Variants in SLC35F4 observed in about 807,000 individuals in gnomAD.
SLC35F4 encodes chromosome 14 open reading frame 36.
SLC35F4 carries 24 observed loss-of-function variants against 44.2 expected under a neutral mutation model. That is an observed-to-expected ratio of 0.54 (90% CI 0.39 to 0.76). SLC35F4 has a LOEUF of 0.76. Among genes scored for constraint, SLC35F4 ranks in the 30% least tolerant of loss-of-function variants. The pLI is 0.00. For synonymous variants in SLC35F4, 238 were observed against 223.6 expected (o/e 1.06, Z -0.57); for missense variants, 562 against 586.1 (o/e 0.96, Z 0.42).
chr14:57,646,745 T>A (rs959115583), intron 1 of SLC35F4, among the ~76,000 whole-genome samples: 1 of 152,354 alleles, frequency 6.6e-6, no homozygotes, highest in Non-Finnish European at 1.5e-5. Flanking sequence ...TCCTGCTTTC[T>A]CTTGTGGGCA....
At chr14:57,605,860 A>G (rs1489328804) in intron 1 of SLC35F4, among the ~76,000 whole-genome samples, 1 of 152,204 alleles carries the variant, frequency 6.6e-6, no homozygotes, top group Non-Finnish European at 1.5e-5. Context: ...TAATGCAGAA[A>G]CCAAAAACCA....
chr14:57,929,976 A>T (rs1041022506), intron 1 of SLC35F4, among the ~76,000 whole-genome samples: 1 of 152,162 alleles, frequency 6.6e-6, no homozygotes, highest in African/African-American at 2.4e-5. Context: ...TACTTTTCTT[A>T]GACTTTTCAG....
Position 57,697,974 on chromosome 14 carries a change from C to T in SLC35F4, c.104-103850G>A, listed in dbSNP as rs75058819. 3.6e-3 allele frequency among the ~76,000 whole-genome samples: 545 copies of T among 152,252 alleles called. 4 individuals carry two copies. Among genetic ancestry groups the T allele is most frequent in the African/African-American group, 0.013 (522 of 41,552 alleles). On this transcript the variant is annotated intron_variant, in intron 1 of 7. Transcript: ENST00000556826. ...GAAACAACACTGCCTGGGTCCAAAT[C>T]CAGATTTCACCATTTACCGGCTACA... is the stretch of plus-strand genomic sequence containing the variant.
chr14:57,761,145 G>T (rs1408814813), intron 1 of SLC35F4, among the ~76,000 whole-genome samples: 1 of 152,182 alleles, frequency 6.6e-6, no homozygotes, highest in African/African-American at 2.4e-5. Context: ...ATCATTCAGA[G>T]ATTATTGGCC....
intron 1 of SLC35F4, among the ~76,000 whole-genome samples, chr14:57,715,741 T>C (rs2075922994): frequency 6.6e-6 from 1 of 152,150 alleles, no homozygotes; most frequent in Non-Finnish European, 1.5e-5. Context: ...ATTGCAGAGA[T>C]GGACTGGGAA....
chr14:57,647,285 G>C (rs953692598), intron 1 of SLC35F4, among the ~76,000 whole-genome samples: 1 of 152,022 alleles, frequency 6.6e-6, no homozygotes, highest in African/African-American at 2.4e-5. Flanking sequence ...CTAAGGACTT[G>C]CTTTATGAAT....
chr14:57,696,452 G>C (rs10146070), intron 1 of SLC35F4, among the ~76,000 whole-genome samples: 151,771 of 152,346 alleles, frequency 1, 75,621 homozygotes, highest in Middle Eastern at 1. Context: ...AATAGGAATG[G>C]TTTTACACTG....
intron 1 of SLC35F4, among the ~76,000 whole-genome samples, chr14:57,915,527 T>TA (rs1204631957): frequency 2.0e-5 from 3 of 152,224 alleles, no homozygotes; most frequent in African/African-American, 7.2e-5. Context: ...TATATGTGGT[T>TA]AAAAGTAGCC....
At chr14:57,925,491 AAGGAAGGGAGGGAGGG>A (rs1889540637) in intron 1 of SLC35F4, among the ~76,000 whole-genome samples, 2 of 82,404 alleles carry the variant, frequency 2.4e-5, no homozygotes, top group South Asian at 1.2e-3. Context: ...GGAAGGAAGG[AAGGAAGGGAGGGAGGG>A]AGGGAGGGAG....
intron 1 of SLC35F4, among the ~76,000 whole-genome samples, chr14:57,665,188 G>A (rs2074267935): frequency 6.6e-6 from 1 of 150,510 alleles, no homozygotes; most frequent in African/African-American, 2.4e-5. Flanking sequence ...GAGGTTTATA[G>A]AGAAATAGAC....
chr14:57,647,950 C>T (rs1318229697), intron 1 of SLC35F4, among the ~76,000 whole-genome samples: 3 of 152,186 alleles, frequency 2.0e-5, no homozygotes, highest in Non-Finnish European at 4.4e-5. Flanking sequence ...CCTCTCTCTG[C>T]TCCTTGACTT....
At chr14:57,706,606 CAAAG>C (rs2075682544) in intron 1 of SLC35F4, among the ~76,000 whole-genome samples, 1 of 152,088 alleles carries the variant, frequency 6.6e-6, no homozygotes, top group African/African-American at 2.4e-5. Context: ...CCTGGGTAGT[CAAAG>C]AAGGCTCTGT....
At chr14:57,590,850 T>C (rs976601356) in intron 2 of SLC35F4, among the ~76,000 whole-genome samples, 12 of 152,206 alleles carry the variant, frequency 7.9e-5, no homozygotes, top group African/African-American at 2.9e-4. Flanking sequence ...CTCCAGAGCC[T>C]ACTGGCTCTC....
chr14:57,573,245 G>T (rs2068604917), intron 4 of SLC35F4, among the ~76,000 whole-genome samples: 1 of 152,144 alleles, frequency 6.6e-6, no homozygotes, highest in South Asian at 2.1e-4. Flanking sequence ...CATGTCTTTT[G>T]TTAGTGGCCA....
chr14:57,647,487 C>T (rs112377187), intron 1 of SLC35F4, among the ~76,000 whole-genome samples: 160 of 145,468 alleles, frequency 1.1e-3, no homozygotes, highest in African/African-American at 3.5e-3. Flanking sequence ...AGCCATGTGG[C>T]CATTGTCTTG....
chr14:57,616,498 G>T (rs148042866), intron 1 of SLC35F4, among the ~76,000 whole-genome samples: 3 of 152,172 alleles, frequency 2.0e-5, no homozygotes, highest in African/African-American at 7.2e-5. Context: ...TGCCCCCTCA[G>T]TGAAAAACAC....
chr14:57,836,092 A>G (rs904752078), intron 1 of SLC35F4, among the ~76,000 whole-genome samples: 9 of 152,208 alleles, frequency 5.9e-5, no homozygotes, highest in Non-Finnish European at 1.2e-4. Context: ...GGCCTGTAGC[A>G]GGAAGGACCT....
chr14:57,853,104 C>T (rs1886736102), intron 1 of SLC35F4, among the ~76,000 whole-genome samples: 1 of 152,130 alleles, frequency 6.6e-6, no homozygotes, highest in South Asian at 2.1e-4. Flanking sequence ...CCCTATCTGA[C>T]CTAGAAAAAG....
intron 1 of SLC35F4, among the ~76,000 whole-genome samples, chr14:57,786,621 C>T (rs995171013): frequency 6.6e-5 from 10 of 152,266 alleles, no homozygotes; most frequent in East Asian, 1.9e-4. Context: ...AGTACCAGCC[C>T]GGAGCCAGGT....
Sources: gnomAD v4.1 joint callset for allele counts (sites outside exome capture counted in the v4.1 genomes callset) on GRCh38, gnomAD v4.1.1 for gene constraint, MANE v1.5 for transcripts, NCBI Gene and HGNC (gene_info 2026-07-23, HGNC 2026-07-21) for gene names.